Variants in PDE1A observed in about 807,000 individuals in gnomAD.
PDE1A encodes dual specificity calcium/calmodulin-dependent 3',5'-cyclic nucleotide phosphodiesterase 1A.
Under a neutral mutation model 61.7 loss-of-function variants are expected in PDE1A, and 35 were observed. The observed-to-expected ratio is 0.57, with a 90% CI of 0.43 to 0.75. PDE1A has a LOEUF of 0.75. PDE1A is among the 30% of genes least tolerant of loss of function. The pLI is 0.00. For missense variants in PDE1A, 597 were observed against 630.6 expected (o/e 0.95, Z 0.57); for synonymous variants, 232 against 213.2 (o/e 1.09, Z -0.77).
chr2:182,699,924 C>T, the PDE1A span, among the ~76,000 whole-genome samples: 1 of 152,316 alleles, frequency 6.6e-6, no homozygotes, highest in African/African-American at 2.4e-5. Flanking sequence ...ACCAGGCCTG[C>T]CTCTTTTTCC....
intron 1 of PDE1A, among the ~76,000 whole-genome samples, chr2:182,355,320 T>C (rs915235028): frequency 1.1e-4 from 16 of 152,066 alleles, no homozygotes; most frequent in African/African-American, 3.6e-4. Flanking sequence ...ATACTCACAG[T>C]ATAAAGAAGA....
chr2:182,170,061 G>A (rs541880179), intron 13 of PDE1A, among the ~76,000 whole-genome samples: 23 of 151,966 alleles, frequency 1.5e-4, no homozygotes, highest in Admixed American at 1.1e-3. Flanking sequence ...TAGATTTTGA[G>A]CACACTTTTT....
the PDE1A span, among the ~76,000 whole-genome samples, chr2:182,677,065 C>G: frequency 1.3e-5 from 2 of 152,082 alleles, no homozygotes; most frequent in Non-Finnish European, 2.9e-5. Context: ...TTGGCCAGCG[C>G]AATCAGGCAA....
intron 1 of PDE1A, among the ~76,000 whole-genome samples, chr2:182,399,371 C>T (rs1241270952): frequency 6.6e-6 from 1 of 151,828 alleles, no homozygotes; most frequent in Non-Finnish European, 1.5e-5. Context: ...TTATGTGACC[C>T]CTTTTAGTTA....
intron 1 of PDE1A, among the ~76,000 whole-genome samples, chr2:182,388,703 T>C (rs1701257530): frequency 6.6e-6 from 1 of 150,766 alleles, no homozygotes; most frequent in African/African-American, 2.4e-5. Flanking sequence ...AATACCCACA[T>C]CAAAAAAAGA....
the PDE1A span, among the ~76,000 whole-genome samples, chr2:182,620,703 C>T: frequency 6.6e-6 from 1 of 152,228 alleles, no homozygotes; most frequent in South Asian, 2.1e-4. Context: ...GATTTAATTC[C>T]ACAAAGTTAC....
intron 1 of PDE1A, among the ~76,000 whole-genome samples, chr2:182,392,498 T>A (rs1018936243): frequency 4.6e-5 from 7 of 152,152 alleles, no homozygotes; most frequent in African/African-American, 1.7e-4. Context: ...TCCTCCCAAA[T>A]CTCATGTCCT....
At chr2:182,172,632 A>G (rs1692336928) in intron 13 of PDE1A, among the ~76,000 whole-genome samples, 2 of 152,058 alleles carry the variant, frequency 1.3e-5, no homozygotes, top group Non-Finnish European at 2.9e-5. Context: ...TCTTATTTTG[A>G]GAACGCAAGG....
intron 1 of PDE1A, among the ~76,000 whole-genome samples, chr2:182,361,528 G>A (rs1699507586): frequency 6.6e-6 from 1 of 151,982 alleles, no homozygotes. Flanking sequence ...ATATTTAGAG[G>A]ATAAGGAAAA....
At chr2:182,180,085 T>C (rs150038721) in intron 13 of PDE1A, among the ~76,000 whole-genome samples, 1 of 152,186 alleles carries the variant, frequency 6.6e-6, no homozygotes, top group African/African-American at 2.4e-5. Flanking sequence ...CTTCAGCGTA[T>C]AAGACTAGAA....
intron 13 of PDE1A, among the ~76,000 whole-genome samples, chr2:182,182,225 T>A (rs538490553): frequency 1.3e-5 from 2 of 152,342 alleles, no homozygotes; most frequent in Admixed American, 1.3e-4. Context: ...ACAAATAATG[T>A]GTAAGAAAAC....
At chr2:182,644,424 C>T in the PDE1A span, among the ~76,000 whole-genome samples, 1 of 151,804 alleles carries the variant, frequency 6.6e-6, no homozygotes, top group Non-Finnish European at 1.5e-5. Context: ...TTCAAACATT[C>T]ATCAGGTTTG....
chr2:182,681,273 A>G, the PDE1A span, among the ~76,000 whole-genome samples: 1 of 151,750 alleles, frequency 6.6e-6, no homozygotes, highest in Non-Finnish European at 1.5e-5. Flanking sequence ...TTCAATTCAC[A>G]TGTGTTTCAC....
At chr2:182,395,066 T>G (rs1351124403) in intron 1 of PDE1A, among the ~76,000 whole-genome samples, 4 of 152,232 alleles carry the variant, frequency 2.6e-5, no homozygotes, top group Non-Finnish European at 5.9e-5. Context: ...CAGCTGTAGC[T>G]GCTGTACCAG....
At chr2:182,642,048 G>A in the PDE1A span, among the ~76,000 whole-genome samples, 50 of 152,240 alleles carry the variant, frequency 3.3e-4, no homozygotes, top group Non-Finnish European at 5.1e-4. Flanking sequence ...AAGTTTTCAC[G>A]GAAAGGTTTC....
chr2:182,382,728 G>T (rs1254378847), intron 1 of PDE1A, among the ~76,000 whole-genome samples: 4 of 151,744 alleles, frequency 2.6e-5, no homozygotes, highest in Non-Finnish European at 5.9e-5. Flanking sequence ...AAATTTTGAG[G>T]ATATTTTCTT....
At chr2:182,594,213 C>T in the PDE1A span, among the ~76,000 whole-genome samples, 1 of 152,196 alleles carries the variant, frequency 6.6e-6, no homozygotes, top group Admixed American at 6.5e-5. Flanking sequence ...CACTCATGTG[C>T]ATTAAATATA....
intron 2 of PDE1A, among the ~76,000 whole-genome samples, chr2:182,257,096 C>G (rs1038410168): frequency 3.9e-5 from 6 of 152,298 alleles, no homozygotes; most frequent in Non-Finnish European, 8.8e-5. Context: ...TTGGGCAATT[C>G]ATATTTGTCA....
At chr2:182,543,202 T>C in the PDE1A span, among the ~76,000 whole-genome samples, 1 of 152,206 alleles carries the variant, frequency 6.6e-6, no homozygotes, top group Admixed American at 6.5e-5. Context: ...GAAATATAAA[T>C]AAGATTGTGG....
Sources: gnomAD v4.1 joint callset for allele counts (sites outside exome capture counted in the v4.1 genomes callset) on GRCh38, gnomAD v4.1.1 for gene constraint, MANE v1.5 for transcripts, NCBI Gene and HGNC (gene_info 2026-07-23, HGNC 2026-07-21) for gene names.